The following PLEKHA7 variants were observed in gnomAD, a reference collection of about 807,000 sequenced individuals.
PLEKHA7 encodes the protein pleckstrin homology domain-containing family A member 7.
PLEKHA7 carries 104 observed loss-of-function variants against 170.0 expected under a neutral mutation model. That is an observed-to-expected ratio of 0.61 (90% CI 0.52 to 0.72). PLEKHA7 has a LOEUF of 0.72. Among genes scored for constraint, PLEKHA7 ranks in the 30% least tolerant of loss-of-function variants. The pLI is 0.00. For synonymous variants in PLEKHA7, 648 were observed against 660.8 expected, an observed-to-expected ratio of 0.98 and a Z score of 0.30; for missense variants, 1,615 against 1,671.7, an observed-to-expected ratio of 0.97 and a Z score of 0.59.
At chr11:17,011,211 T>C (rs1191959134) in intron 3 of PLEKHA7, among the ~76,000 whole-genome samples, 1 of 152,096 alleles carries the variant, frequency 6.6e-6, no homozygotes, top group African/African-American at 2.4e-5. Context: ...CAGCCCTTCC[T>C]CCCGCCAAAT....
At chr11:16,842,521 C>G (rs976134774) in intron 8 of PLEKHA7, 4 of 147,280 alleles carry the variant, frequency 2.7e-5, no homozygotes, top group African/African-American at 1.0e-4. Context: ...ACAGAGTTGA[C>G]CAACAGTTAA....
chr11:16,833,658 C>T (rs1851294481), intron 9 of PLEKHA7, among the ~76,000 whole-genome samples: 1 of 152,192 alleles, frequency 6.6e-6, no homozygotes, highest in African/African-American at 2.4e-5. Context: ...GGACAACCTG[C>T]AATCCCTGTA....
At chr11:16,935,326 G>A (rs2108930) in intron 3 of PLEKHA7, among the ~76,000 whole-genome samples, 5,695 of 152,292 alleles carry the variant, frequency 0.037, 317 homozygotes, top group Admixed American at 0.14. Flanking sequence ...CCAGCTACTC[G>A]GGAGGTTGAG....
intron 9 of PLEKHA7, among the ~76,000 whole-genome samples, chr11:16,832,798 G>A (rs1851219616): frequency 6.6e-6 from 1 of 152,204 alleles, no homozygotes; most frequent in African/African-American, 2.4e-5. Flanking sequence ...CCAGGCCACT[G>A]AGAGTCTTGG....
rs574205482 is a variant in PLEKHA7, at chr11:16,875,614, ATTT to A, written c.222-4435_222-4433del. On this transcript the variant is annotated intron_variant, in intron 3 of 26. Transcript: ENST00000531066. ...AGGTGCACACCACCATGCCCGGCTA[ATTT>A]TTTTTTTAGTAGAGATGGGGTTTCA... Among the ~76,000 whole-genome samples, 6 of 149,086 alleles carry A rather than the reference ATTT, an allele frequency of 4.0e-5. No individual in the cohort carries two copies. The East Asian group carries it at 1.2e-3, about 29-fold the overall frequency.
intron 3 of PLEKHA7, among the ~76,000 whole-genome samples, chr11:16,987,363 C>T (rs1427021759): frequency 2.0e-5 from 3 of 151,944 alleles, no homozygotes; most frequent in Admixed American, 2.0e-4. Context: ...AGGAGACCTG[C>T]CCAACCAGCT....
At chr11:16,958,007 C>T (rs1262954540) in intron 3 of PLEKHA7, among the ~76,000 whole-genome samples, 2 of 151,768 alleles carry the variant, frequency 1.3e-5, no homozygotes, top group Non-Finnish European at 2.9e-5. Context: ...CTGGCCTTAC[C>T]TCAATAATTT....
chr11:17,013,977 C>G lies in PLEKHA7; in HGVS notation c.221+12G>C, dbSNP rs1353347590. On this transcript the variant is annotated intron_variant, in intron 3 of 26. Coordinates refer to ENST00000531066, the MANE Select transcript of PLEKHA7 (RefSeq NM_001329630.2). ...CGGCACAGGTGCGAGCGCGGCGGCCCCACTCACTCACTCGATGAAGTAGCT... is the reference window on the plus strand; with the variant it reads ...CGGCACAGGTGCGAGCGCGGCGGCCGCACTCACTCACTCGATGAAGTAGCT... The G allele has an allele frequency of 3.3e-6, 5 of 1,536,980 alleles. No homozygotes were observed. In the African/African-American group the frequency reaches 5.6e-5, roughly 17 times the overall value.
chr11:16,779,146 G>T, intron 26 of PLEKHA7, 126 bp from the exon 27 acceptor site: 1 of 683,426 alleles, frequency 1.5e-6, no homozygotes, highest in Non-Finnish European at 2.7e-6. Context: ...TGGCAATGCG[G>T]CCGCTGCTGG....
chr11:16,893,290 T>C (rs1479747229), intron 3 of PLEKHA7, among the ~76,000 whole-genome samples: 1 of 152,220 alleles, frequency 6.6e-6, no homozygotes, highest in African/African-American at 2.4e-5. Context: ...ATCACGGTAT[T>C]TCCTCTGTAC....
chr11:16,949,766 G>A (rs1861285901), intron 3 of PLEKHA7, among the ~76,000 whole-genome samples: 1 of 152,138 alleles, frequency 6.6e-6, no homozygotes, highest in East Asian at 1.9e-4. Flanking sequence ...GTAAACCAAG[G>A]CACGATACAG....
At chr11:16,825,116 C>T (rs1850534944) in intron 10 of PLEKHA7, among the ~76,000 whole-genome samples, 1 of 152,244 alleles carries the variant, frequency 6.6e-6, no homozygotes, top group African/African-American at 2.4e-5. Context: ...GATTTATCCA[C>T]CATCCACTCT....
chr11:16,823,005 A>T (rs1850364040), intron 10 of PLEKHA7, among the ~76,000 whole-genome samples: 1 of 151,578 alleles, frequency 6.6e-6, no homozygotes, highest in African/African-American at 2.4e-5. Flanking sequence ...TTATTTATTT[A>T]TTTTTTGGAG....
chr11:16,937,916 T>C (rs1036182998), intron 3 of PLEKHA7, among the ~76,000 whole-genome samples: 6 of 152,166 alleles, frequency 3.9e-5, no homozygotes, highest in Non-Finnish European at 8.8e-5. Context: ...ACGATGTTTT[T>C]CTTTTCTAAC....
intron 3 of PLEKHA7, among the ~76,000 whole-genome samples, chr11:16,930,940 A>G (rs1407696784): frequency 1.3e-5 from 2 of 152,220 alleles, no homozygotes; most frequent in Non-Finnish European, 2.9e-5. Flanking sequence ...GCCGCACCTA[A>G]GCTGGAAACA....
chr11:16,977,967 C>A (rs773070794), intron 3 of PLEKHA7, among the ~76,000 whole-genome samples: 3 of 152,148 alleles, frequency 2.0e-5, no homozygotes, highest in Non-Finnish European at 4.4e-5. Flanking sequence ...AAGGCTTTCC[C>A]TCCCCCTTTG....
chr11:16,892,007 A>G (rs1856650530), intron 3 of PLEKHA7, among the ~76,000 whole-genome samples: 1 of 152,218 alleles, frequency 6.6e-6, no homozygotes, highest in Admixed American at 6.5e-5. Context: ...CAAGGAACTG[A>G]GTGTCAACAA....
At chr11:16,795,514 G>A (rs1357196100) in intron 17 of PLEKHA7, among the ~76,000 whole-genome samples, 6 of 152,210 alleles carry the variant, frequency 3.9e-5, no homozygotes, top group East Asian at 1.9e-4. Context: ...AAGATGAGTC[G>A]GGTGCAATGG....
intron 3 of PLEKHA7, among the ~76,000 whole-genome samples, chr11:16,934,595 C>G (rs947702309): frequency 6.6e-6 from 1 of 152,228 alleles, no homozygotes; most frequent in African/African-American, 2.4e-5. Flanking sequence ...TGCCATTCTC[C>G]TTGTCTCCTT....
Sources: allele counts gnomAD v4.1 joint callset (sites outside exome capture counted in the v4.1 genomes callset), GRCh38; gene constraint gnomAD v4.1.1; transcripts MANE v1.5; gene names NCBI Gene and HGNC (gene_info 2026-07-23, HGNC 2026-07-21).